The following NUP42 variants were observed in gnomAD, a reference collection of about 807,000 sequenced individuals.
NUP42 encodes the protein nucleoporin 42, also known as nucleoporin NUP42.
A neutral mutation model predicts 35.9 loss-of-function variants in NUP42; 47 were observed. The observed-to-expected ratio is 1.31, with a 90% confidence interval of 1.04 to 1.67. The LOEUF (loss-of-function observed/expected upper bound fraction) is 1.67, where lower values mean the gene tolerates loss of function less well. NUP42 is among the 40% of genes most tolerant of loss of function. The pLI is 0.00. For missense variants in NUP42, 514 were observed against 492.2 expected (o/e 1.04, Z -0.42); for synonymous variants, 173 against 173.3 (o/e 1.00, Z 0.01).
chr7:23,184,255 G>A (rs756130939), intron 1 of NUP42, among the ~76,000 whole-genome samples: 13 of 152,094 alleles, frequency 8.5e-5, no homozygotes, highest in Non-Finnish European at 1.5e-4. Flanking sequence ...AAAAGACTGC[G>A]TCAAATAGAC....
At chr7:23,196,655 T>C (rs1786021602) in intron 4 of NUP42, 25 bp from the exon 5 acceptor site, 1 of 1,506,478 alleles carries the variant, frequency 6.6e-7, no homozygotes, top group Non-Finnish European at 9.2e-7. Context: ...TATTGAACTG[T>C]TATTTTTCTG....
rs79836845 is a variant in NUP42, at chr7:23,188,053, T to C, written c.445+907T>C. ...CATAGTCCCTAAGCCCTTTCTGGGC[T>C]GAAACCTAGACCACCGGGCTTTCCC... On this transcript the variant is annotated intron_variant, in intron 3 of 6. Coordinates refer to ENST00000258742, the MANE Select transcript of NUP42 (RefSeq NM_007342.3). 1.6e-3 allele frequency: 2,364 copies of C among 1,451,324 alleles called. 35 individuals are homozygous for C. The African/African-American group carries it at 0.031, about 19-fold the overall frequency. The allele number at this position is 1,451,324 out of a possible 1,614,324, so 89.9% of individuals were successfully genotyped here. A position where few individuals can be genotyped will look rare whatever the true frequency, so the allele number is the denominator to read the frequency against.
chr7:23,189,304 A>G (rs1785709039), intron 3 of NUP42, among the ~76,000 whole-genome samples: 3 of 152,282 alleles, frequency 2.0e-5, no homozygotes, highest in African/African-American at 7.2e-5. Flanking sequence ...TCTTCTGATT[A>G]AATGGATGGC....
chr7:23,200,302 A>C lies in NUP42; in HGVS notation c.829A>C (p.Thr277Pro). The C allele has an allele frequency of 6.2e-7, 1 of 1,603,316 alleles. No homozygotes were observed. The highest frequency in any genetic ancestry group is 1.3e-5 in the African/African-American group (1 of 74,940). The change falls in exon 7 of 7, where the codon ACC becomes CCC. Residue 277 changes from threonine to proline, a missense_variant. Physicochemically the swap from Thr to Pro is conservative, Grantham distance 38 (BLOSUM62 -1). Transcript: ENST00000258742. ...CCCAGCATTTGGAGCTGCAGCCTCT[A>C]CCAGTTCAGGTATCTCTACTTCTGC... Reference protein sequence around the residue: ...SSPAFGAAASTSSGISTSAPA... With the variant: ...SSPAFGAAASPSSGISTSAPA...
chr7:23,184,170 A>G (rs147163915), intron 1 of NUP42, among the ~76,000 whole-genome samples: 286 of 152,310 alleles, frequency 1.9e-3, no homozygotes, highest in African/African-American at 6.6e-3. Flanking sequence ...TAGAGGAACT[A>G]CATGCATTCT....
At chr7:23,187,010 TAAG>T in intron 2 of NUP42, 39 bp from the exon 3 acceptor site, 1 of 1,357,986 alleles carries the variant, frequency 7.4e-7, no homozygotes, top group Non-Finnish European at 1.0e-6. Flanking sequence ...ACCAAGCAGC[TAAG>T]AAGATCCTTT....
Position 23,200,823 on chromosome 7 carries a change from ACATG to A in NUP42, c.*79_*82del. The A allele has an allele frequency of 3.9e-6, 3 of 769,976 alleles. No homozygotes were observed. The highest frequency in any genetic ancestry group is 5.9e-6 in the Non-Finnish European group (3 of 504,458). 47.7% of individuals were successfully genotyped at this position (769,976 alleles called of 1,614,324 possible). Reference sequence around the variant, plus strand: ...TTCATACAGAGATGTATATATGCATACATGTATATATTCATAAGGAATATAAGCT... The same window carrying A: ...TTCATACAGAGATGTATATATGCATATATATATTCATAAGGAATATAAGCT... On this transcript the variant is annotated 3_prime_UTR_variant, in exon 7 of 7. Transcript: ENST00000258742.
intron 3 of NUP42, chr7:23,188,064 C>A: frequency 6.9e-7 from 1 of 1,442,598 alleles, no homozygotes; most frequent in Non-Finnish European, 9.1e-7. Context: ...GAAACCTAGA[C>A]CACCGGGCTT....
intron 5 of NUP42, chr7:23,198,269 G>A (rs556994652): frequency 7.5e-6 from 1 of 133,870 alleles, no homozygotes; most frequent in South Asian, 2.3e-4. Flanking sequence ...CTGGAGTGCA[G>A]TGGTGCCATC....
At chr7:23,196,803 A>C in intron 5 of NUP42, 37 bp downstream of exon 5, 1 of 1,383,560 alleles carries the variant, frequency 7.2e-7, no homozygotes, top group Non-Finnish European at 1.0e-6. Context: ...GAAGTGTCTT[A>C]CCTATTGCTT....
At chr7:23,191,235 A>G (rs1785779018) in intron 3 of NUP42, among the ~76,000 whole-genome samples, 1 of 152,220 alleles carries the variant, frequency 6.6e-6, no homozygotes, top group Admixed American at 6.5e-5. Context: ...GCAGGCAGCC[A>G]TGAAGAACTT....
chr7:23,200,408 G>A lies in NUP42; in HGVS notation c.935G>A (p.Gly312Glu), dbSNP rs1353328716. The A allele has an allele frequency of 1.9e-6, 3 of 1,614,030 alleles. No individual in the cohort carries two copies. The African/African-American group carries it at 4.0e-5, about 22-fold the overall frequency. Reference protein sequence around the residue: ...SFKSPAASSFGSPGFSGLPAS... With the variant: ...SFKSPAASSFESPGFSGLPAS... ...AAAAGCCCTGCAGCTTCCAGTTTTG[G>A]ATCACCTGGATTTTCAGGACTTCCA... The change falls in exon 7 of 7, where the codon GGA (glycine) becomes GAA (glutamate). Residue 312 changes from glycine to glutamate, a missense_variant. Coordinates refer to ENST00000258742, the MANE Select transcript of NUP42 (RefSeq NM_007342.3).
At chr7:23,193,753 C>T (rs1476562130) in intron 3 of NUP42, among the ~76,000 whole-genome samples, 1 of 152,208 alleles carries the variant, frequency 6.6e-6, no homozygotes, top group Non-Finnish European at 1.5e-5. Flanking sequence ...CTTGGGTGGT[C>T]GATGGGACTG....
intron 1 of NUP42, among the ~76,000 whole-genome samples, chr7:23,183,754 TAA>T (rs571597955): frequency 2.7e-4 from 22 of 82,054 alleles, no homozygotes; most frequent in Middle Eastern, 8.1e-3. Context: ...AAAAGCAATG[TAA>T]AAAAAAAAAA....
At position 23,184,936 on chromosome 7, in the gene NUP42, G is replaced by A; in HGVS notation, c.122-134G>A. ...TGGGAGGATCGATTGAGCTTAGGAG[G>A]TTGAGGTTACAGTGAGCCAAGATCA... On this transcript the variant is annotated intron_variant, in intron 1 of 6. Coordinates refer to ENST00000258742, the MANE Select transcript of NUP42 (RefSeq NM_007342.3). 1.5e-5 allele frequency: 10 copies of A among 689,320 alleles called. No homozygotes were observed. In the South Asian group the frequency reaches 2.0e-4, roughly 14 times the overall value. The allele number at this position is 689,320 out of a possible 1,614,324, so 42.7% of individuals were successfully genotyped here.
In NUP42 at chr7:23,187,107, T is replaced by C. The variant is rs768185191; in HGVS notation, c.406T>C (p.Ser136Pro). 22 of 1,610,764 alleles carry C rather than the reference T, an allele frequency of 1.4e-5. No individual in the cohort carries two copies. The highest frequency in any genetic ancestry group is 1.8e-5 in the Non-Finnish European group (21 of 1,178,562). Residue 136 changes from serine to proline, a missense_variant, in exon 3 of 7, where the codon TCT becomes CCT. Ser to Pro is a moderately conservative substitution (Grantham distance 74). Transcript: ENST00000258742. ...VWESSGQWMF[S>P]VYSPVKKKPN... Reference sequence around the variant, plus strand: ...GGAATCATCAGGGCAGTGGATGTTTTCTGTTTATTCACCAGTGAAAAAGAA... The same window carrying C: ...GGAATCATCAGGGCAGTGGATGTTTCCTGTTTATTCACCAGTGAAAAAGAA...
chr7:23,187,027 C>CTTTTTTTTTTTTTTTT, intron 2 of NUP42, 25 bp from the exon 3 acceptor site: 1 of 1,168,828 alleles, frequency 8.6e-7, no homozygotes, highest in Non-Finnish European at 1.2e-6. Context: ...ATCCTTTACT[C>CTTTTTTTTTTTTTTTT]TTTTTTTTTT....
In NUP42 at chr7:23,200,147, TG is replaced by T. The variant is rs755239237; in HGVS notation, c.695-20del. 904 of 1,404,246 alleles carry T rather than the reference TG, an allele frequency of 6.4e-4. 2 individuals carry two copies. The highest frequency in any genetic ancestry group is 5.6e-3 in the African/African-American group (387 of 69,118). The allele number at this position is 1,404,246 out of a possible 1,614,324, so 87.0% of individuals were successfully genotyped here. On this transcript the variant is annotated intron_variant, in intron 6 of 6. Coordinates refer to ENST00000258742, the MANE Select transcript of NUP42 (RefSeq NM_007342.3). Reference sequence around the variant, plus strand: ...CGTAATAGATTTTTGTTGTTTTTTTTGTTGTTGTTGTTGTTTGTAGGCTTTC... The same window carrying T: ...CGTAATAGATTTTTGTTGTTTTTTTTTTGTTGTTGTTGTTTGTAGGCTTTC...
At position 23,182,125 on chromosome 7, in the gene NUP42, T is replaced by C; in HGVS notation, c.40T>C (p.Phe14Leu). Residue 14 changes from phenylalanine to leucine, a missense_variant, in exon 1 of 7, where the codon TTT becomes CTT. Coordinates refer to ENST00000258742, the MANE Select transcript of NUP42 (RefSeq NM_007342.3). Reference sequence around the variant, plus strand: ...ATTCTTCCTTCAAGGCCGGTGCCGCTTTGGAGATCGGTGCTGGAACGAACA... The same window carrying C: ...ATTCTTCCTTCAAGGCCGGTGCCGCCTTGGAGATCGGTGCTGGAACGAACA... ...CQFFLQGRCR[F>L]GDRCWNEHPG... The C allele has an allele frequency of 6.2e-7, 1 of 1,614,182 alleles. No homozygotes were observed. Among genetic ancestry groups the C allele is most frequent in the Non-Finnish European group, 8.5e-7 (1 of 1,180,042 alleles).
Sources: allele counts gnomAD v4.1 joint callset (sites outside exome capture counted in the v4.1 genomes callset), GRCh38; gene constraint gnomAD v4.1.1; transcripts MANE v1.5; gene names NCBI Gene and HGNC (gene_info 2026-07-23, HGNC 2026-07-21).